The following CAMTA1 variants were observed in gnomAD, a reference collection of about 807,000 sequenced individuals.
CAMTA1 encodes the protein calmodulin-binding transcription activator 1.
Under a neutral mutation model 170.9 loss-of-function variants are expected in CAMTA1, and 27 were observed. That is an observed-to-expected ratio of 0.16 (90% CI 0.12 to 0.22). The LOEUF (loss-of-function observed/expected upper bound fraction) is 0.22, where lower values mean the gene tolerates loss of function less well. Among genes scored for constraint, CAMTA1 ranks in the 10% least tolerant of loss-of-function variants. The pLI, the probability that CAMTA1 is intolerant of heterozygous loss-of-function variation, is 1.00. For missense variants in CAMTA1, 1,619 were observed against 2,217.2 expected (o/e 0.73, Z 5.42); for synonymous variants, 833 against 891.5 (o/e 0.93, Z 1.17).
chr1:6,805,288 C>T (rs1428216813), intron 1 of CAMTA1, among the ~76,000 whole-genome samples: 1 of 152,152 alleles, frequency 6.6e-6, no homozygotes, highest in Non-Finnish European at 1.5e-5. Flanking sequence ...TGATGTTGAG[C>T]ATCTGTTCAT....
chr1:7,589,012 A>G (rs2095333978), intron 6 of CAMTA1, among the ~76,000 whole-genome samples: 1 of 152,198 alleles, frequency 6.6e-6, no homozygotes, highest in Admixed American at 6.5e-5. Flanking sequence ...GCGCAGCCAG[A>G]AAACCGACTC....
chr1:7,001,123 C>T lies in CAMTA1; in HGVS notation c.235-90181C>T, dbSNP rs190190870. 2.4e-4 allele frequency among the ~76,000 whole-genome samples: 37 copies of T among 152,258 alleles called. 1 individual carries two copies. In the South Asian group the frequency reaches 5.4e-3, roughly 22 times the overall value. On this transcript the variant is annotated intron_variant, in intron 3 of 22. Coordinates refer to ENST00000303635, the MANE Select transcript of CAMTA1 (RefSeq NM_015215.4). ...AATTTGCTGGGGAGTTCTTAATCAT[C>T]GTGAAAATCCCATGTTTTCAAAGCA... is the stretch of plus-strand genomic sequence containing the variant.
At chr1:7,438,218 G>A (rs2092408708) in intron 5 of CAMTA1, among the ~76,000 whole-genome samples, 1 of 152,174 alleles carries the variant, frequency 6.6e-6, no homozygotes, top group Non-Finnish European at 1.5e-5. Context: ...GGCAGGGCCT[G>A]GGTAGGTCAG....
At chr1:7,135,556 G>A (rs1012136195) in intron 4 of CAMTA1, among the ~76,000 whole-genome samples, 2 of 152,142 alleles carry the variant, frequency 1.3e-5, no homozygotes, top group South Asian at 4.2e-4. Context: ...TGGAGGCCAT[G>A]TAGGCATCTT....
intron 6 of CAMTA1, among the ~76,000 whole-genome samples, chr1:7,541,148 C>T (rs2094606974): frequency 6.6e-6 from 1 of 152,248 alleles, no homozygotes; most frequent in African/African-American, 2.4e-5. Context: ...CTTTCTTTCT[C>T]CTGCACTCCT....
intron 4 of CAMTA1, among the ~76,000 whole-genome samples, chr1:7,236,948 A>G (rs949865713): frequency 6.6e-6 from 1 of 152,040 alleles, no homozygotes; most frequent in Non-Finnish European, 1.5e-5. Flanking sequence ...AATAGTGTCC[A>G]CTCTTCTAGG....
chr1:7,724,193 CA>C (rs2096667735), intron 11 of CAMTA1, among the ~76,000 whole-genome samples: 1 of 152,080 alleles, frequency 6.6e-6, no homozygotes, highest in African/African-American at 2.4e-5. Flanking sequence ...AAGGAGACTT[CA>C]AAACTAAACA....
intron 5 of CAMTA1, among the ~76,000 whole-genome samples, chr1:7,450,521 C>T (rs2092797489): frequency 6.6e-6 from 1 of 152,214 alleles, no homozygotes; most frequent in Non-Finnish European, 1.5e-5. Flanking sequence ...AGACCAGATG[C>T]AGAAGTAGAG....
intron 3 of CAMTA1, among the ~76,000 whole-genome samples, chr1:6,913,182 C>A (rs1680080073): frequency 6.6e-6 from 1 of 152,186 alleles, no homozygotes; most frequent in African/African-American, 2.4e-5. Context: ...ATTTTAGAGG[C>A]CAGTTTCTCC....
intron 3 of CAMTA1, among the ~76,000 whole-genome samples, chr1:6,958,188 CT>C (rs1689784024): frequency 2.0e-5 from 3 of 152,214 alleles, no homozygotes. Flanking sequence ...CACCTTTCCC[CT>C]AGGCCCCTCC....
chr1:7,676,974 C>T (rs1466508668), intron 10 of CAMTA1, among the ~76,000 whole-genome samples: 2 of 152,166 alleles, frequency 1.3e-5, no homozygotes, highest in Non-Finnish European at 2.9e-5. Flanking sequence ...AGGGCCCTGT[C>T]TTCCAGAGCT....
At chr1:7,104,484 C>T (rs1406695367) in intron 4 of CAMTA1, among the ~76,000 whole-genome samples, 2 of 152,202 alleles carry the variant, frequency 1.3e-5, no homozygotes, top group African/African-American at 4.8e-5. Context: ...AGCAAAGACG[C>T]CGTGGAGTCT....
chr1:6,821,358 T>A (rs1646467090), intron 2 of CAMTA1, among the ~76,000 whole-genome samples: 1 of 152,216 alleles, frequency 6.6e-6, no homozygotes, highest in South Asian at 2.1e-4. Flanking sequence ...TGGCTGTATT[T>A]GCTGCTGTGA....
chr1:7,228,685 C>T (rs1479858695), intron 4 of CAMTA1, among the ~76,000 whole-genome samples: 1 of 152,138 alleles, frequency 6.6e-6, no homozygotes, highest in Non-Finnish European at 1.5e-5. Flanking sequence ...GATGGCGTTG[C>T]GGCACAGGAG....
chr1:7,337,819 A>G (rs2083497722), intron 5 of CAMTA1, among the ~76,000 whole-genome samples: 1 of 152,198 alleles, frequency 6.6e-6, no homozygotes, highest in African/African-American at 2.4e-5. Flanking sequence ...CTGAGTTTCC[A>G]GCCTGTTGCC....
At chr1:7,320,663 T>TG (rs1678263570) in intron 5 of CAMTA1, among the ~76,000 whole-genome samples, 2 of 150,002 alleles carry the variant, frequency 1.3e-5, no homozygotes. Context: ...TTTTTTTTTT[T>TG]TTTTTTTTTT....
intron 6 of CAMTA1, among the ~76,000 whole-genome samples, chr1:7,531,724 C>T (rs1377937219): frequency 6.6e-6 from 1 of 152,234 alleles, no homozygotes; most frequent in Admixed American, 6.5e-5. Flanking sequence ...GTTGAGCTGC[C>T]TCCAGAAGCG....
intron 4 of CAMTA1, among the ~76,000 whole-genome samples, chr1:7,162,823 A>T (rs1573567285): frequency 6.6e-6 from 1 of 152,220 alleles, no homozygotes; most frequent in Middle Eastern, 3.4e-3. Flanking sequence ...GGGTATAGAC[A>T]TAGGGGTGGA....
intron 6 of CAMTA1, among the ~76,000 whole-genome samples, chr1:7,596,233 A>C (rs2095398740): frequency 2.0e-5 from 3 of 152,188 alleles, no homozygotes; most frequent in Admixed American, 1.3e-4. Context: ...AGGCTCTCTG[A>C]GGTGACAAAG....
Sources: gnomAD v4.1 joint callset for allele counts (sites outside exome capture counted in the v4.1 genomes callset) on GRCh38, gnomAD v4.1.1 for gene constraint, MANE v1.5 for transcripts, NCBI Gene and HGNC (gene_info 2026-07-23, HGNC 2026-07-21) for gene names.